Variants in OSBPL5 observed in about 807,000 individuals in gnomAD.
OSBPL5 encodes oxysterol binding protein like 5.
OSBPL5 carries 71 observed loss-of-function variants against 111.2 expected under a neutral mutation model. The observed-to-expected ratio is 0.64, with a 90% CI of 0.53 to 0.78. The LOEUF is 0.78. Among genes scored for constraint, OSBPL5 ranks in the 30% least tolerant of loss-of-function variants. OSBPL5 has a pLI of 0.00. For synonymous variants in OSBPL5, 549 were observed against 513.9 expected, an observed-to-expected ratio of 1.07 and a Z score of -0.93; for missense variants, 1,210 against 1,189.3, an observed-to-expected ratio of 1.02 and a Z score of -0.26.
At chr11:3,119,413 TG>T in intron 7 of OSBPL5, 133 bp downstream of exon 7, 1 of 860,994 alleles carries the variant, frequency 1.2e-6, no homozygotes, top group Non-Finnish European at 1.7e-6. Context: ...GGGCTCATCC[TG>T]GCCAGACTTC....
chr11:3,124,345 C>T (rs1188234923), intron 3 of OSBPL5, among the ~76,000 whole-genome samples: 5 of 152,128 alleles, frequency 3.3e-5, no homozygotes, highest in South Asian at 2.1e-4. Context: ...TTTGGGCTGA[C>T]GATGAGTGAT....
At chr11:3,123,752 C>T (rs1025479146) in intron 3 of OSBPL5, among the ~76,000 whole-genome samples, 3 of 152,228 alleles carry the variant, frequency 2.0e-5, no homozygotes, top group African/African-American at 4.8e-5. Context: ...TGCTGGGGCA[C>T]CAGGTCCTGT....
chr11:3,135,188 T>A (rs376645372), intron 1 of OSBPL5, among the ~76,000 whole-genome samples: 3 of 152,136 alleles, frequency 2.0e-5, no homozygotes, highest in African/African-American at 7.2e-5. Context: ...CCTGGGTGGG[T>A]TCCCCTGAAC....
chr11:3,162,499 C>T lies in OSBPL5; in HGVS notation c.-22+2717G>A, dbSNP rs1446107417. Among the ~76,000 whole-genome samples the T allele has an allele frequency of 6.6e-6, 1 of 151,602 alleles. No individual in the cohort carries two copies. The highest frequency in any genetic ancestry group is 1.5e-5 in the Non-Finnish European group (1 of 67,910). ...CCAGCACAAGGCAATCTCACATCCT[C>T]GTGGACATGATCCCAGAGGCCCTGG... On this transcript the variant is annotated intron_variant, in intron 1 of 21. Transcript: ENST00000263650. The surrounding 1 kb of genome is among the most constrained non-coding windows in gnomAD (Gnocchi z 8.1).
rs1346294565 is a variant in OSBPL5, at chr11:3,110,058, T to C, written c.692-2113A>G. ...TGCCCTGGCCATCCCCGGGCCTGCA[T>C]GGGACCTGGCACATAGTGGGGCACT... On this transcript the variant is annotated intron_variant, in intron 7 of 21. Transcript: ENST00000263650. This position sits in a 1 kb window ranked among gnomAD's most constrained non-coding sequence, Gnocchi z 5.3. 6.6e-6 allele frequency among the ~76,000 whole-genome samples: 1 copy of C among 152,076 alleles called. No individual in the cohort carries two copies. The highest frequency in any genetic ancestry group is 1.5e-5 in the Non-Finnish European group (1 of 68,000).
intron 4 of OSBPL5, 124 bp from the exon 5 acceptor site, chr11:3,122,222 G>T: frequency 7.6e-7 from 1 of 1,309,204 alleles, no homozygotes. Flanking sequence ...AGGAAGTAGG[G>T]GGTGTGGAGG....
chr11:3,154,084 G>A lies in OSBPL5; in HGVS notation c.-22+11132C>T, dbSNP rs1846675125. Among the ~76,000 whole-genome samples, 1 of 152,258 alleles carries A rather than the reference G, an allele frequency of 6.6e-6. No homozygotes were observed. On this transcript the variant is annotated intron_variant, in intron 1 of 21. Coordinates refer to ENST00000263650, the MANE Select transcript of OSBPL5 (RefSeq NM_020896.4). The surrounding 1 kb of genome is among the most constrained non-coding windows in gnomAD (Gnocchi z 4.9). ...ACACATGGCATTCAAACCGCCGCTG[G>A]TGTGTGGCCCCTTATCCACTCTCCC...
rs949804540 is a variant in OSBPL5 at position 3,138,713 on chromosome 11, G to C, written c.-21-9544C>G. The stretch of plus-strand genomic sequence containing the variant: ...AGTGCCCCCTTGCCTGGCCCTCCTG[G>C]TGAGGCTCCTGGGCTTGGTGTGCCA... On this transcript the variant is annotated intron_variant, in intron 1 of 21. Transcript: ENST00000263650. 1.1e-4 allele frequency among the ~76,000 whole-genome samples: 17 copies of C among 152,324 alleles called. 1 individual carries two copies. Among genetic ancestry groups the C allele is most frequent in the Admixed American group, 5.2e-4 (8 of 15,308 alleles).
Position 3,155,210 on chromosome 11 carries a change from C to T in OSBPL5, c.-22+10006G>A, listed in dbSNP as rs144077564. On this transcript the variant is annotated intron_variant, in intron 1 of 21. Transcript: ENST00000263650. Reference sequence around the variant, plus strand: ...AAACCCCAGCAAGCTCACACACCGGCCCAGGAGGGCCTTCCTAGGACAGTT... The same window carrying T: ...AAACCCCAGCAAGCTCACACACCGGTCCAGGAGGGCCTTCCTAGGACAGTT... 1.2e-3 allele frequency among the ~76,000 whole-genome samples: 178 copies of T among 152,328 alleles called. 1 individual carries two copies. Among genetic ancestry groups the T allele is most frequent in the African/African-American group, 4.1e-3 (169 of 41,572 alleles).
rs200058176 is a variant in OSBPL5 at position 3,154,468 on chromosome 11, C to T, written c.-22+10748G>A. Among the ~76,000 whole-genome samples the T allele has an allele frequency of 1.1e-3, 174 of 152,360 alleles. No homozygotes were observed. Among genetic ancestry groups the T allele is most frequent in the African/African-American group, 4.1e-3 (169 of 41,596 alleles). ...CCAAGCGGGGGGCCTCTACAGCTCG[C>T]CCAGGTTCCAGCTGAGCCAGGCCTC... On this transcript the variant is annotated intron_variant, in intron 1 of 21. Transcript: ENST00000263650. This position sits in a 1 kb window ranked among gnomAD's most constrained non-coding sequence, Gnocchi z 4.9.
At chr11:3,100,997 C>T (rs1590644689) in intron 13 of OSBPL5, among the ~76,000 whole-genome samples, 1 of 131,420 alleles carries the variant, frequency 7.6e-6, no homozygotes, top group Non-Finnish European at 1.6e-5. Flanking sequence ...TTTTTTGAGA[C>T]AGAGTCTCAC....
At chr11:3,150,974 G>T (rs1846563672) in intron 1 of OSBPL5, among the ~76,000 whole-genome samples, 1 of 152,154 alleles carries the variant, frequency 6.6e-6, no homozygotes, top group South Asian at 2.1e-4. Flanking sequence ...TTCATGAAAG[G>T]TGTGTCCAAG....
At chr11:3,103,859 C>CGCAGCCCCCTTCCTGCCTCT (rs1554896407) in intron 10 of OSBPL5, among the ~76,000 whole-genome samples, 5 of 40,626 alleles carry the variant, frequency 1.2e-4, no homozygotes, top group Non-Finnish European at 3.1e-4. Flanking sequence ...TTCCAGTCTG[C>CGCAGCCCCCTTCCTGCCTCT]GCAGCCCCCT....
At position 3,104,209 on chromosome 11, in the gene OSBPL5, C is replaced by T. The variant is rs780486148; in HGVS notation, c.1228G>A (p.Ala410Thr). The T allele has an allele frequency of 9.3e-6, 15 of 1,609,904 alleles. No homozygotes were observed. Among genetic ancestry groups the T allele is most frequent in the African/African-American group, 1.3e-5 (1 of 74,878 alleles). Residue 410 changes from alanine to threonine, a missense_variant, in exon 10 of 22, where the codon GCA becomes ACA. Coordinates refer to ENST00000263650, the MANE Select transcript of OSBPL5 (RefSeq NM_020896.4). The surrounding 1 kb of genome is among the most constrained non-coding windows in gnomAD (Gnocchi z 5.0). ...GGCGCGCACCTGGAGAGCAGGTCTGCGTGGTAGTAGTAGTCGGAGAGCTTG... is the reference window on the plus strand; with the variant it reads ...GGCGCGCACCTGGAGAGCAGGTCTGTGTGGTAGTAGTAGTCGGAGAGCTTG... ...LNKLSDYYYHADLLSRAAVEE... is the reference protein window; with the variant it reads ...LNKLSDYYYHTDLLSRAAVEE...
chr11:3,106,289 A>C lies in OSBPL5; in HGVS notation c.1059+974T>G, dbSNP rs1785991425. ...AGGAACGAATTCCCCTTTCCTGCTG[A>C]AACCGGGACTGCCCCTTGCCCTCAG... On this transcript the variant is annotated intron_variant, in intron 9 of 21. Coordinates refer to ENST00000263650, the MANE Select transcript of OSBPL5 (RefSeq NM_020896.4). This position sits in a 1 kb window ranked among gnomAD's most constrained non-coding sequence, Gnocchi z 8.4. Among the ~76,000 whole-genome samples the C allele has an allele frequency of 6.6e-6, 1 of 152,144 alleles. No individual in the cohort carries two copies.
chr11:3,136,416 G>T (rs1237554912), intron 1 of OSBPL5, among the ~76,000 whole-genome samples: 1 of 152,240 alleles, frequency 6.6e-6, no homozygotes, highest in Non-Finnish European at 1.5e-5. Flanking sequence ...CTTGGCCAGG[G>T]GCAGACACTG....
intron 14 of OSBPL5, chr11:3,094,539 G>A (rs968294390): frequency 1.1e-4 from 27 of 251,264 alleles, no homozygotes; most frequent in Non-Finnish European, 1.5e-4. Context: ...GTGGGGGTGC[G>A]GAGCCTGGGA....
At chr11:3,149,722 T>C (rs1343825455) in intron 1 of OSBPL5, among the ~76,000 whole-genome samples, 2 of 152,178 alleles carry the variant, frequency 1.3e-5, no homozygotes, top group Non-Finnish European at 2.9e-5. Context: ...CTGTCCCTTC[T>C]TCCTCTTTGA....
intron 1 of OSBPL5, among the ~76,000 whole-genome samples, chr11:3,150,568 CCA>C (rs1264715690): frequency 6.6e-6 from 1 of 152,172 alleles, no homozygotes; most frequent in East Asian, 1.9e-4. Context: ...GTGTCCTGCC[CCA>C]CAGACACAGA....
Sources: gnomAD v4.1 joint callset for allele counts (sites outside exome capture counted in the v4.1 genomes callset) on GRCh38, gnomAD v4.1.1 for gene constraint, Gnocchi (gnomAD v3.1) non-coding constraint, MANE v1.5 for transcripts, NCBI Gene and HGNC (gene_info 2026-07-23, HGNC 2026-07-21) for gene names.